Variants in EDNRB observed in about 807,000 individuals in gnomAD.
EDNRB encodes endothelin receptor type B, also known as Hirschsprung disease 2.
In EDNRB, 18 loss-of-function variants were observed where a neutral mutation model predicts 46.4. The ratio of observed to expected loss-of-function variants is 0.39; its 90% CI spans 0.27 to 0.57. The LOEUF (loss-of-function observed/expected upper bound fraction) is 0.57. Among genes scored for constraint, EDNRB ranks in the 20% least tolerant of loss-of-function variants. EDNRB has a pLI of 0.61. For synonymous variants in EDNRB, 213 were observed against 204.9 expected, an observed-to-expected ratio of 1.04 and a Z score of -0.34; for missense variants, 434 against 537.5, an observed-to-expected ratio of 0.81 and a Z score of 1.90.
At chr13:77,958,977 G>T (rs1472422743) in intron 1 of EDNRB, among the ~76,000 whole-genome samples, 2 of 152,230 alleles carry the variant, frequency 1.3e-5, no homozygotes, top group African/African-American at 2.4e-5. Context: ...CAATGGCATG[G>T]TGGTGTTGTT....
chr13:77,967,295 C>G (rs1171537352), intron 1 of EDNRB, among the ~76,000 whole-genome samples: 1 of 152,142 alleles, frequency 6.6e-6, no homozygotes, highest in Non-Finnish European at 1.5e-5. Context: ...AAATAAACAT[C>G]TTTTGCAGCC....
chr13:77,911,258 G>A (rs544150609), intron 1 of EDNRB, among the ~76,000 whole-genome samples: 5 of 151,978 alleles, frequency 3.3e-5, no homozygotes, highest in Non-Finnish European at 7.4e-5. Context: ...GGCTCAGAAC[G>A]AGACTTGCAA....
intron 1 of EDNRB, among the ~76,000 whole-genome samples, chr13:77,950,100 C>T (rs1020663492): frequency 2.0e-4 from 30 of 152,258 alleles, no homozygotes; most frequent in Admixed American, 1.8e-3. Context: ...CACTGTACAA[C>T]ACAGAGACAA....
chr13:77,973,077 G>C (rs1384644006), intron 1 of EDNRB, among the ~76,000 whole-genome samples: 7 of 152,154 alleles, frequency 4.6e-5, no homozygotes, highest in African/African-American at 1.7e-4. Context: ...AGACTTTTAA[G>C]TGGAAGATAA....
chr13:77,907,521 C>A (rs1287110776), intron 1 of EDNRB, among the ~76,000 whole-genome samples: 1 of 151,924 alleles, frequency 6.6e-6, no homozygotes, highest in Non-Finnish European at 1.5e-5. Context: ...CTACTAACTA[C>A]CTATCTACCT....
At chr13:77,917,316 C>T (rs1879856573) in intron 1 of EDNRB, among the ~76,000 whole-genome samples, 1 of 152,162 alleles carries the variant, frequency 6.6e-6, no homozygotes, top group Admixed American at 6.5e-5. Flanking sequence ...CACATCTCAC[C>T]CAGTCCTTGG....
Position 77,918,506 on chromosome 13 carries a change from C to G in EDNRB, c.68G>C (p.Arg23Pro), listed in dbSNP as rs1879935970. ...GAAGCCTCTCTCCTCTCCCCAGATC[C>G]GCGACAGGCCGCAGGCAAGAACCAG... ...VALVLACGLS[R>P]IWGEERGFPP... is the part of the protein sequence containing the mutation. The change falls in exon 1 of 7, where the codon CGG (arginine) becomes CCG (proline). Residue 23 changes from arginine to proline, a missense_variant. By Grantham distance (103) the Arg-to-Pro change is moderately radical. Transcript: ENST00000646607. This position sits in a 1 kb window ranked among gnomAD's most constrained non-coding sequence, Gnocchi z 4.5. 6.3e-7 allele frequency: 1 copy of G among 1,575,260 alleles called. No individual in the cohort carries two copies. The highest frequency in any genetic ancestry group is 1.9e-5 in the Admixed American group (1 of 52,346).
Position 77,926,088 on chromosome 13 carries a change from G to A in EDNRB, c.-51-7464C>T, listed in dbSNP as rs574254922. On this transcript the variant is annotated intron_variant, in intron 1 of 7. Transcript: ENST00000646948. ...TCAATTTCTCCCATTTGGAATGGCT[G>A]TATTTACCCAATGCCTTTACCCACA... Among the ~76,000 whole-genome samples the A allele has an allele frequency of 2.6e-5, 4 of 152,352 alleles. No individual in the cohort carries two copies. In the East Asian group the frequency reaches 5.8e-4, roughly 22 times the overall value.
At chr13:77,959,012 A>G (rs1374541744) in intron 1 of EDNRB, among the ~76,000 whole-genome samples, 3 of 152,224 alleles carry the variant, frequency 2.0e-5, no homozygotes, top group Non-Finnish European at 4.4e-5. Context: ...TGTGGAGATG[A>G]CAAGGAGGGG....
intron 1 of EDNRB, among the ~76,000 whole-genome samples, chr13:77,937,445 G>T (rs1378705148): frequency 6.6e-6 from 1 of 152,174 alleles, no homozygotes; most frequent in East Asian, 1.9e-4. Context: ...TGACATTTAA[G>T]TCACTCCAGG....
chr13:77,904,760 T>C (rs1879190306), intron 1 of EDNRB, among the ~76,000 whole-genome samples: 1 of 151,974 alleles, frequency 6.6e-6, no homozygotes, highest in Non-Finnish European at 1.5e-5. Context: ...TAGGTGAACA[T>C]CTGGATCAAA....
chr13:77,924,688 T>A (rs1354597467), upstream of EDNRB, among the ~76,000 whole-genome samples: 1 of 152,202 alleles, frequency 6.6e-6, no homozygotes, highest in Non-Finnish European at 1.5e-5. Flanking sequence ...ATGATATGGT[T>A]TGGTTCTGTG....
intron 1 of EDNRB, among the ~76,000 whole-genome samples, chr13:77,959,414 G>A (rs1345548032): frequency 6.6e-6 from 1 of 152,208 alleles, no homozygotes; most frequent in Admixed American, 6.5e-5. Flanking sequence ...CACCACTGCT[G>A]ATACCCAGGC....
At chr13:77,900,979 TATCATCATC>T in intron 4 of EDNRB, 70 bp downstream of exon 4, 3 of 1,532,676 alleles carry the variant, frequency 2.0e-6, no homozygotes. Flanking sequence ...AATGTTAGTT[TATCATCATC>T]ATCATCATAA....
rs148174916 is a variant in EDNRB at position 77,946,246 on chromosome 13, A to G, written c.-51-27622T>C. 5.9e-4 allele frequency among the ~76,000 whole-genome samples: 90 copies of G among 152,306 alleles called. 1 individual carries two copies. Among genetic ancestry groups the G allele is most frequent in the Middle Eastern group, 6.8e-3 (2 of 294 alleles). On this transcript the variant is annotated intron_variant, in intron 1 of 7. Coordinates refer to the EDNRB transcript ENST00000646948. Reference sequence around the variant, plus strand: ...CTAGGATAAGCTACACCTATATTCTATAGTATAGAATCCCATTCTGGGGTT... The same window carrying G: ...CTAGGATAAGCTACACCTATATTCTGTAGTATAGAATCCCATTCTGGGGTT...
intron 1 of EDNRB, among the ~76,000 whole-genome samples, chr13:77,969,466 C>T (rs540212262): frequency 6.6e-6 from 1 of 152,142 alleles, no homozygotes; most frequent in South Asian, 2.1e-4. Context: ...GGGTTATCTC[C>T]CTCGTGACCC....
At chr13:77,972,590 T>A (rs1484035745) in intron 1 of EDNRB, among the ~76,000 whole-genome samples, 1 of 152,166 alleles carries the variant, frequency 6.6e-6, no homozygotes, top group East Asian at 1.9e-4. Context: ...ACGGTCCTAG[T>A]TTACCAATGC....
chr13:77,902,493 A>G (rs1334437160), intron 3 of EDNRB, among the ~76,000 whole-genome samples: 5 of 151,560 alleles, frequency 3.3e-5, no homozygotes, highest in Non-Finnish European at 2.9e-5. Context: ...GTCCTTAGTC[A>G]TCCTTAGTCA....
At chr13:77,911,528 GAC>G (rs1481684286) in intron 1 of EDNRB, among the ~76,000 whole-genome samples, 1 of 152,086 alleles carries the variant, frequency 6.6e-6, no homozygotes, top group African/African-American at 2.4e-5. Flanking sequence ...GTGGGGAAAA[GAC>G]ACAGGTCAGC....
Sources: allele counts gnomAD v4.1 joint callset (sites outside exome capture counted in the v4.1 genomes callset), GRCh38; gene constraint gnomAD v4.1.1; non-coding constraint Gnocchi (gnomAD v3.1); transcripts MANE v1.5; gene names NCBI Gene and HGNC (gene_info 2026-07-23, HGNC 2026-07-21).